Variants in KCNC4 observed in about 807,000 individuals in gnomAD.
KCNC4 encodes the protein voltage-gated potassium channel KCNC4.
Under a neutral mutation model 42.8 loss-of-function variants are expected in KCNC4, and 23 were observed. The observed-to-expected ratio is 0.54, with a 90% CI of 0.39 to 0.76. The LOEUF (loss-of-function observed/expected upper bound fraction) is 0.76, where lower values mean the gene tolerates loss of function less well. KCNC4 is among the 30% of genes least tolerant of loss of function. KCNC4 has a pLI of 0.00. For synonymous variants in KCNC4, 422 were observed against 393.5 expected (o/e 1.07, Z -0.86); for missense variants, 751 against 898.2 (o/e 0.84, Z 2.10).
intron 1 of KCNC4, chr1:110,222,328 T>C (rs1048575553): frequency 6.5e-6 from 1 of 152,962 alleles, no homozygotes; most frequent in African/African-American, 2.4e-5. Context: ...CTTCATACAG[T>C]GGACTTCAAA....
At chr1:110,267,051 C>T (rs893304513) in intron 1 of KCNC4, among the ~76,000 whole-genome samples, 2 of 152,222 alleles carry the variant, frequency 1.3e-5, no homozygotes, top group African/African-American at 2.4e-5. Context: ...GCAGCCCGCA[C>T]GCCTCTGTGG....
chr1:110,262,844 C>T, intron 1 of KCNC4, among the ~76,000 whole-genome samples: 1 of 152,198 alleles, frequency 6.6e-6, no homozygotes, highest in African/African-American at 2.4e-5. Flanking sequence ...CTTACCTGCA[C>T]AGTCAGGACT....
At chr1:110,231,293 T>A (rs1658676112) in intron 3 of KCNC4, among the ~76,000 whole-genome samples, 1 of 152,078 alleles carries the variant, frequency 6.6e-6, no homozygotes, top group Non-Finnish European at 1.5e-5. Context: ...CCTGCTCTGC[T>A]CTGGCCAGCG....
intron 3 of KCNC4, among the ~76,000 whole-genome samples, chr1:110,227,327 C>T (rs1021240271): frequency 6.6e-6 from 1 of 152,200 alleles, no homozygotes; most frequent in African/African-American, 2.4e-5. Context: ...CTTCTAGTTT[C>T]TTTCCCAGAC....
chr1:110,213,546 T>C (rs1657622040), intron 1 of KCNC4, among the ~76,000 whole-genome samples: 1 of 152,168 alleles, frequency 6.6e-6, no homozygotes, highest in Non-Finnish European at 1.5e-5. Context: ...ATCTTCTGCC[T>C]GGAAGAGAAG....
intron 3 of KCNC4, among the ~76,000 whole-genome samples, chr1:110,230,213 C>T (rs1413064736): frequency 6.6e-6 from 1 of 152,210 alleles, no homozygotes; most frequent in Non-Finnish European, 1.5e-5. Flanking sequence ...TGGGGCCTGC[C>T]TCCCACTTGC....
At chr1:110,228,484 G>A (rs774341992) in intron 3 of KCNC4, 1 of 152,736 alleles carries the variant, frequency 6.5e-6, no homozygotes. Context: ...CTGGAGCGTG[G>A]ACCCTGTGGA....
intron 1 of KCNC4, among the ~76,000 whole-genome samples, chr1:110,217,915 A>G (rs1657886402): frequency 6.6e-6 from 1 of 152,134 alleles, no homozygotes; most frequent in South Asian, 2.1e-4. Context: ...GTCTTCCAGC[A>G]CTGCCTGGGC....
chr1:110,276,765 A>G (rs2361047), intron 1 of KCNC4, among the ~76,000 whole-genome samples: 44,117 of 152,058 alleles, frequency 0.29, 6,849 homozygotes, highest in Admixed American at 0.43. Flanking sequence ...TTTTGTATTC[A>G]ACACATCTTA....
downstream of KCNC4, among the ~76,000 whole-genome samples, chr1:110,251,057 T>C (rs1659242318): frequency 6.6e-6 from 1 of 152,142 alleles, no homozygotes; most frequent in Non-Finnish European, 1.5e-5. Context: ...CTTGTGGCAG[T>C]TGCTTCTACC....
chr1:110,250,136 A>G (rs565279916), downstream of KCNC4, among the ~76,000 whole-genome samples: 12 of 152,306 alleles, frequency 7.9e-5, no homozygotes, highest in African/African-American at 2.4e-4. Context: ...GTTCCCAGAC[A>G]CAGCTCCCCT....
chr1:110,279,848 G>T (rs1659790791), intron 1 of KCNC4, among the ~76,000 whole-genome samples: 1 of 144,384 alleles, frequency 6.9e-6, no homozygotes, highest in African/African-American at 2.6e-5. Context: ...GCCCGGGCTG[G>T]AGTGCAGTAG....
chr1:110,262,292 C>G (rs529298828), intron 1 of KCNC4, among the ~76,000 whole-genome samples: 3 of 152,344 alleles, frequency 2.0e-5, no homozygotes, highest in Admixed American at 2.0e-4. Flanking sequence ...GGCTTCTTAT[C>G]TTGAACACCT....
chr1:110,228,111 C>A (rs1035137379), intron 3 of KCNC4, among the ~76,000 whole-genome samples: 2 of 152,154 alleles, frequency 1.3e-5, no homozygotes, highest in African/African-American at 4.8e-5. Flanking sequence ...ACTTTCTCCA[C>A]GCCGTACCGT....
At chr1:110,239,430 A>T (rs1317950402) in exon 4 of KCNC4, 3 of 152,012 alleles carry the variant, frequency 2.0e-5, no homozygotes, top group Non-Finnish European at 4.4e-5. Context: ...CCCCTCACAC[A>T]TCCACGCCCC....
chr1:110,215,226 G>A (rs1056753614), intron 1 of KCNC4, among the ~76,000 whole-genome samples: 6 of 152,222 alleles, frequency 3.9e-5, no homozygotes, highest in Non-Finnish European at 7.3e-5. Context: ...GAGCTGTTCC[G>A]CTCAGGCAGG....
Position 110,223,451 on chromosome 1 carries a change from C to A in KCNC4, c.1166C>A (p.Ala389Asp). 6.2e-7 allele frequency: 1 copy of A among 1,613,992 alleles called. No individual in the cohort carries two copies. Among genetic ancestry groups the A allele is most frequent in the Non-Finnish European group, 8.5e-7 (1 of 1,180,034 alleles). The change falls in exon 2 of 4, where the codon GCC (alanine) becomes GAC (aspartate). Residue 389 changes from alanine (A) to aspartate (D), a missense_variant. Coordinates refer to ENST00000438661, the MANE Select transcript of KCNC4 (RefSeq NM_001039574.3). This position sits in a 1 kb window ranked among gnomAD's most constrained non-coding sequence, Gnocchi z 7.5. The part of the protein sequence containing the change: ...NEFLLLIIFL[A>D]LGVLIFATMI... ...TTCCTGCTGCTTATCATCTTCCTGG[C>A]CCTGGGTGTGCTCATCTTTGCCACC...
At chr1:110,239,448 CTG>C (rs1170035710) in exon 4 of KCNC4, 5 of 152,398 alleles carry the variant, frequency 3.3e-5, no homozygotes, top group African/African-American at 1.2e-4. Flanking sequence ...CCCTCTGCCT[CTG>C]TCAGTTTCCA....
chr1:110,281,895 T>C (rs1277646904), intron 1 of KCNC4, among the ~76,000 whole-genome samples: 2 of 152,184 alleles, frequency 1.3e-5, no homozygotes, highest in African/African-American at 4.8e-5. Flanking sequence ...TCCCTAGACC[T>C]GAAGACTGGC....
Sources: gnomAD v4.1 joint callset for allele counts (sites outside exome capture counted in the v4.1 genomes callset) on GRCh38, gnomAD v4.1.1 for gene constraint, Gnocchi (gnomAD v3.1) non-coding constraint, MANE v1.5 for transcripts, NCBI Gene and HGNC (gene_info 2026-07-23, HGNC 2026-07-21) for gene names.